The following CDH18 variants were observed in gnomAD, a reference collection of about 807,000 sequenced individuals.
CDH18 encodes cadherin 18, also known as cadherin-18.
Under a neutral mutation model 67.9 loss-of-function variants are expected in CDH18, and 31 were observed. That is an observed-to-expected ratio of 0.46 (90% confidence interval 0.34 to 0.62). The LOEUF (loss-of-function observed/expected upper bound fraction) is 0.62. CDH18 is among the 20% of genes least tolerant of loss of function. CDH18 has a pLI of 0.01. For missense variants in CDH18, 890 were observed against 975.5 expected (o/e 0.91, Z 1.17); for synonymous variants, 362 against 347.2 (o/e 1.04, Z -0.48).
chr5:19,760,656 T>C (rs533709148), intron 3 of CDH18, among the ~76,000 whole-genome samples: 9 of 152,178 alleles, frequency 5.9e-5, no homozygotes, highest in Middle Eastern at 3.2e-3. Context: ...TCCAGATTTC[T>C]GTTTACATAA....
intron 2 of CDH18, among the ~76,000 whole-genome samples, chr5:20,164,732 T>C (rs147053443): frequency 6.6e-6 from 1 of 152,218 alleles, no homozygotes; most frequent in South Asian, 2.1e-4. Context: ...AATTTATATT[T>C]AGATGTAACT....
chr5:20,257,379 G>C (rs1191063090), intron 1 of CDH18, among the ~76,000 whole-genome samples: 1 of 151,884 alleles, frequency 6.6e-6, no homozygotes, highest in Non-Finnish European at 1.5e-5. Context: ...AAGCATGTGG[G>C]GACCTATTTA....
At position 20,056,478 on chromosome 5, in the gene CDH18, GTTTTTTTTTTTTTTTT is replaced by G. The variant is rs58415003; in HGVS notation, c.-517-64480_-517-64465del. 6.1e-4 allele frequency among the ~76,000 whole-genome samples: 10 copies of G among 16,292 alleles called. No homozygotes were observed. The South Asian group carries it at 0.022, about 35-fold the overall frequency. 10.7% of individuals were successfully genotyped at this position (16,292 alleles called of 152,430 possible). A position where few individuals can be genotyped will look rare whatever the true frequency, so the allele number is the denominator to read the frequency against. On this transcript the variant is annotated intron_variant, in intron 2 of 14. Coordinates refer to the CDH18 transcript ENST00000507958. The stretch of plus-strand genomic sequence containing the variant: ...TATTTTTCTTTATTTTCTTTCTTTT[GTTTTTTTTTTTTTTTT>G]TTTTTTTTTTGCAGGGAAAGGGATT...
chr5:20,153,575 C>T (rs1463276912), intron 2 of CDH18, among the ~76,000 whole-genome samples: 1 of 152,118 alleles, frequency 6.6e-6, no homozygotes, highest in East Asian at 1.9e-4. Context: ...ATACTATACA[C>T]TGGGTGGCTT....
intron 1 of CDH18, among the ~76,000 whole-genome samples, chr5:20,355,515 C>T (rs1741539990): frequency 6.6e-6 from 1 of 152,148 alleles, no homozygotes; most frequent in African/African-American, 2.4e-5. Context: ...TTTGACTTAA[C>T]ATTTAATTAT....
intron 2 of CDH18, among the ~76,000 whole-genome samples, chr5:20,105,502 G>A (rs1746853024): frequency 6.6e-6 from 1 of 152,158 alleles, no homozygotes; most frequent in African/African-American, 2.4e-5. Context: ...TGTTCGCAGT[G>A]TTGAGCAATC....
intron 2 of CDH18, among the ~76,000 whole-genome samples, chr5:20,107,912 C>A: frequency 8.4e-6 from 1 of 118,738 alleles, no homozygotes; most frequent in Middle Eastern, 5.6e-3. Flanking sequence ...CTATCCCTCC[C>A]CCCTCCCCCT....
chr5:20,022,254 G>A (rs932970785), intron 2 of CDH18, among the ~76,000 whole-genome samples: 4 of 152,130 alleles, frequency 2.6e-5, no homozygotes, highest in Non-Finnish European at 5.9e-5. Context: ...GGTACTTCGT[G>A]GTCTAGTCTT....
At chr5:20,162,215 C>CTTG (rs1735944313) in intron 2 of CDH18, among the ~76,000 whole-genome samples, 1 of 151,980 alleles carries the variant, frequency 6.6e-6, no homozygotes, top group Non-Finnish European at 1.5e-5. Flanking sequence ...TCATTTATCA[C>CTTG]TCTGCTTACT....
intron 1 of CDH18, among the ~76,000 whole-genome samples, chr5:20,543,318 T>C (rs925814816): frequency 6.6e-6 from 1 of 152,102 alleles, no homozygotes; most frequent in Non-Finnish European, 1.5e-5. Context: ...CTATTTTTTC[T>C]CATAATTATA....
intron 5 of CDH18, among the ~76,000 whole-genome samples, chr5:19,638,974 G>C (rs1580642724): frequency 1.8e-5 from 1 of 54,650 alleles, no homozygotes; most frequent in Admixed American, 2.0e-4. Flanking sequence ...GTTTTTTGTT[G>C]CTGTTTTTTT....
At chr5:19,624,803 T>C (rs1751265373) in intron 5 of CDH18, among the ~76,000 whole-genome samples, 2 of 152,178 alleles carry the variant, frequency 1.3e-5, no homozygotes, top group African/African-American at 4.8e-5. Context: ...TAATCTCTAG[T>C]ACAAGCCCTT....
At chr5:19,708,643 C>T (rs1232615964) in intron 5 of CDH18, among the ~76,000 whole-genome samples, 6 of 152,274 alleles carry the variant, frequency 3.9e-5, no homozygotes, top group Admixed American at 6.5e-5. Flanking sequence ...CCGCTTAAGG[C>T]GTTCCTGAAC....
chr5:19,491,650 C>T (rs1416478636), intron 11 of CDH18, among the ~76,000 whole-genome samples: 1 of 152,128 alleles, frequency 6.6e-6, no homozygotes, highest in Non-Finnish European at 1.5e-5. Flanking sequence ...ATTGTAACTT[C>T]TATGCAATAT....
At chr5:19,752,610 CAA>C (rs1229776017) in intron 3 of CDH18, among the ~76,000 whole-genome samples, 1 of 152,126 alleles carries the variant, frequency 6.6e-6, no homozygotes, top group Admixed American at 6.5e-5. Context: ...TAACTGAAGA[CAA>C]AGGGCATATA....
At chr5:20,250,646 A>T (rs1348636454) in intron 2 of CDH18, among the ~76,000 whole-genome samples, 1 of 113,524 alleles carries the variant, frequency 8.8e-6, no homozygotes, top group African/African-American at 3.5e-5. Flanking sequence ...TCTGTCGCCC[A>T]GGCTGGAGTG....
chr5:20,305,022 A>C, intron 1 of CDH18: 1 of 1,612,278 alleles, frequency 6.2e-7, no homozygotes, highest in Non-Finnish European at 8.5e-7. Context: ...AAGCAAGGCC[A>C]GAGGAGGAGG....
chr5:19,768,897 G>A (rs1220856179), intron 3 of CDH18, among the ~76,000 whole-genome samples: 1 of 151,750 alleles, frequency 6.6e-6, no homozygotes, highest in Non-Finnish European at 1.5e-5. Context: ...TAACATATCT[G>A]AAAAAGAAAA....
At chr5:20,265,634 A>G (rs1744975839) in intron 1 of CDH18, among the ~76,000 whole-genome samples, 1 of 152,124 alleles carries the variant, frequency 6.6e-6, no homozygotes, top group African/African-American at 2.4e-5. Context: ...TGGGTGTACC[A>G]TTCTGATATA....
Sources: gnomAD v4.1 joint callset for allele counts (sites outside exome capture counted in the v4.1 genomes callset) on GRCh38, gnomAD v4.1.1 for gene constraint, MANE v1.5 for transcripts, NCBI Gene and HGNC (gene_info 2026-07-23, HGNC 2026-07-21) for gene names.